Variants in GALNT5 observed in about 807,000 individuals in gnomAD.
GALNT5 encodes UDP-GalNAc:polypeptide N-acetylgalactosaminyltransferase 5.
In GALNT5, 72 loss-of-function variants were observed where a neutral mutation model predicts 85.4. That is an observed-to-expected ratio of 0.84 (90% confidence interval 0.70 to 1.03). The LOEUF is 1.03. GALNT5 is among the 50% of genes least tolerant of loss of function. GALNT5 has a pLI of 0.00. For synonymous variants in GALNT5, 404 were observed against 397.0 expected, an observed-to-expected ratio of 1.02 and a Z score of -0.21; for missense variants, 1,137 against 1,135.5, an observed-to-expected ratio of 1.00 and a Z score of -0.02.
At chr2:157,300,057 A>G (rs994034012) in intron 6 of GALNT5, among the ~76,000 whole-genome samples, 7 of 152,238 alleles carry the variant, frequency 4.6e-5, no homozygotes, top group African/African-American at 1.7e-4. Context: ...GAAGTACATT[A>G]AAATACCTCT....
chr2:157,308,842 T>C (rs868488561), intron 9 of GALNT5, 114 bp downstream of exon 9: 1 of 755,258 alleles, frequency 1.3e-6, no homozygotes, highest in Non-Finnish European at 2.1e-6. Context: ...TTTGTGACCA[T>C]GGGATTATGT....
intron 3 of GALNT5, among the ~76,000 whole-genome samples, chr2:157,294,576 T>C (rs1464067429): frequency 2.0e-5 from 3 of 151,760 alleles, no homozygotes; most frequent in Non-Finnish European, 2.9e-5. Context: ...GAGTGGAGGG[T>C]CTGAGACCTG....
chr2:157,271,785 G>A (rs1682590970), intron 1 of GALNT5, among the ~76,000 whole-genome samples: 1 of 152,188 alleles, frequency 6.6e-6, no homozygotes. Context: ...TTCAGAAATT[G>A]TTTGGATATA....
rs575351816 is a variant in GALNT5 at position 157,264,977 on chromosome 2, G to A, written c.1454+5441G>A. Among the ~76,000 whole-genome samples the A allele has an allele frequency of 2.3e-4, 35 of 152,158 alleles. 2 individuals are homozygous for A. In the South Asian group the frequency reaches 5.4e-3, roughly 23 times the overall value. ...ACATTAATTAAAATTGATTGGAGAA[G>A]CTATGAGATCTCCTTGAGAAACCAA... On this transcript the variant is annotated intron_variant, in intron 1 of 9. Transcript: ENST00000259056.
chr2:157,273,337 C>A (rs1321960051), intron 1 of GALNT5, among the ~76,000 whole-genome samples: 1 of 151,948 alleles, frequency 6.6e-6, no homozygotes, highest in Non-Finnish European at 1.5e-5. Context: ...ACCAAATAGA[C>A]CAATTTTTTA....
chr2:157,278,238 T>C (rs1682780951), intron 1 of GALNT5, among the ~76,000 whole-genome samples: 2 of 152,230 alleles, frequency 1.3e-5, no homozygotes, highest in Admixed American at 6.5e-5. Context: ...AACCTTTCTA[T>C]CTGGCTGTCC....
chr2:157,308,816 T>C (rs1360211337), intron 9 of GALNT5, 88 bp downstream of exon 9: 1 of 1,036,838 alleles, frequency 9.6e-7, no homozygotes. Context: ...CCTTCCTCAG[T>C]CAGAAGTTTT....
chr2:157,258,608 G>A lies in GALNT5; in HGVS notation c.526G>A (p.Ala176Thr). The A allele has an allele frequency of 6.2e-7, 1 of 1,613,636 alleles. No homozygotes were observed. Among genetic ancestry groups the A allele is most frequent in the Non-Finnish European group, 8.5e-7 (1 of 1,179,938 alleles). Reference sequence around the variant, plus strand: ...GGCTCCAAAGACCTCATTCATAGCAGCAAAAGGAACTCAGGTAGTCAAAAT... The same window carrying A: ...GGCTCCAAAGACCTCATTCATAGCAACAAAAGGAACTCAGGTAGTCAAAAT... ...QGAPKTSFIA[A>T]KGTQVVKISV... Residue 176 changes from alanine to threonine, a missense_variant, in exon 1 of 10, where the codon GCA (alanine) becomes ACA (threonine). Coordinates refer to ENST00000259056, the MANE Select transcript of GALNT5 (RefSeq NM_014568.3).
At position 157,316,218 on chromosome 2, in the gene GALNT5, A is replaced by T. The variant is rs891364362; in HGVS notation, c.*4870A>T. 2.0e-5 allele frequency among the ~76,000 whole-genome samples: 3 copies of T among 152,148 alleles called. No homozygotes were observed. The highest frequency in any genetic ancestry group is 4.4e-5 in the Non-Finnish European group (3 of 68,036). On this transcript the variant is annotated 3_prime_UTR_variant, in exon 10 of 10. Coordinates refer to ENST00000259056, the MANE Select transcript of GALNT5 (RefSeq NM_014568.3). ...TTGAATGTGCCTGGCTTCCAGGTACAGCTGCTAGCTTTACATATGGGAGCC... is the reference window on the plus strand; with the variant it reads ...TTGAATGTGCCTGGCTTCCAGGTACTGCTGCTAGCTTTACATATGGGAGCC...
chr2:157,265,336 A>G (rs1005599320), intron 1 of GALNT5, among the ~76,000 whole-genome samples: 3 of 152,234 alleles, frequency 2.0e-5, no homozygotes, highest in African/African-American at 7.2e-5. Context: ...TCCTTATAAC[A>G]AAGGGAATAA....
At chr2:157,266,254 G>A (rs1318028593) in intron 1 of GALNT5, among the ~76,000 whole-genome samples, 2 of 152,132 alleles carry the variant, frequency 1.3e-5, no homozygotes, top group Non-Finnish European at 2.9e-5. Flanking sequence ...ATTAACAGAT[G>A]AGGGGGGAAA....
At position 157,299,543 on chromosome 2, in the gene GALNT5, T is replaced by G; in HGVS notation, c.1998-5T>G. ...AGTTTAAAAAACAAACTTTTCTTTT[T>G]GTAGGTGCCCTGTCATGGCTGGTGG... On this transcript the variant is annotated splice_polypyrimidine_tract_variant and splice_region_variant and intron_variant, in intron 5 of 9. Coordinates refer to ENST00000259056, the MANE Select transcript of GALNT5 (RefSeq NM_014568.3). 6.4e-7 allele frequency: 1 copy of G among 1,561,532 alleles called. No homozygotes were observed. The highest frequency in any genetic ancestry group is 8.8e-7 in the Non-Finnish European group (1 of 1,139,564).
rs191837493 is a variant in GALNT5, at chr2:157,311,107, A to G, written c.2683-101A>G. ...TTCAGAAGAATTCTTAAAAATCAAA[A>G]ATATAACTGCCTGTCCATTTTTTTA... On this transcript the variant is annotated intron_variant, in intron 9 of 9. Coordinates refer to ENST00000259056, the MANE Select transcript of GALNT5 (RefSeq NM_014568.3). 5.1e-3 allele frequency: 4,697 copies of G among 915,872 alleles called. 23 individuals are homozygous for G. Among genetic ancestry groups the G allele is most frequent in the South Asian group, 0.014 (990 of 69,292 alleles). 56.7% of individuals were successfully genotyped at this position (915,872 alleles called of 1,614,324 possible). A position where few individuals can be genotyped will look rare whatever the true frequency, so the allele number is the denominator to read the frequency against.
intron 1 of GALNT5, among the ~76,000 whole-genome samples, chr2:157,282,356 T>C (rs942089482): frequency 6.6e-6 from 1 of 152,168 alleles, no homozygotes; most frequent in Non-Finnish European, 1.5e-5. Flanking sequence ...TCTTTGTGTT[T>C]TCTTTTATTT....
chr2:157,264,233 C>T (rs1682411847), intron 1 of GALNT5, among the ~76,000 whole-genome samples: 1 of 151,590 alleles, frequency 6.6e-6, no homozygotes, highest in Non-Finnish European at 1.5e-5. Flanking sequence ...AAAATGTGAT[C>T]CTATGCAGGG....
Position 157,312,200 on chromosome 2 carries a change from G to T in GALNT5, c.*852G>T, listed in dbSNP as rs1259663692. 1 of 152,038 alleles carries T rather than the reference G, an allele frequency of 6.6e-6. No individual in the cohort carries two copies. The highest frequency in any genetic ancestry group is 1.9e-4 in the East Asian group (1 of 5,196). 9.4% of individuals were successfully genotyped at this position (152,038 alleles called of 1,614,324 possible). A position where few individuals can be genotyped will look rare whatever the true frequency, so the allele number is the denominator to read the frequency against. On this transcript the variant is annotated 3_prime_UTR_variant, in exon 10 of 10. Transcript: ENST00000259056. ...AAGCATTGAATGCACTCTAGTGCAG[G>T]GCCAAGTAAGAGGAGTTGAAATGAG... is the stretch of plus-strand genomic sequence containing the variant.
chr2:157,288,933 A>C (rs1442539971), intron 3 of GALNT5, among the ~76,000 whole-genome samples: 2 of 152,176 alleles, frequency 1.3e-5, no homozygotes, highest in Admixed American at 1.3e-4. Flanking sequence ...GAGAATAAGA[A>C]TGACACCAAT....
At chr2:157,275,814 T>C (rs1682711308) in intron 1 of GALNT5, among the ~76,000 whole-genome samples, 1 of 152,204 alleles carries the variant, frequency 6.6e-6, no homozygotes, top group African/African-American at 2.4e-5. Flanking sequence ...GAATACCCTT[T>C]ATTTCTTTCT....
intron 1 of GALNT5, among the ~76,000 whole-genome samples, chr2:157,260,751 G>A (rs1682065402): frequency 6.6e-6 from 1 of 152,210 alleles, no homozygotes; most frequent in Non-Finnish European, 1.5e-5. Flanking sequence ...ATCCACATTA[G>A]AAAGAAGAGT....
Sources: gnomAD v4.1 joint callset for allele counts (sites outside exome capture counted in the v4.1 genomes callset) on GRCh38, gnomAD v4.1.1 for gene constraint, MANE v1.5 for transcripts, NCBI Gene and HGNC (gene_info 2026-07-23, HGNC 2026-07-21) for gene names.